The following SLC8A3 variants were observed in gnomAD, a reference collection of about 807,000 sequenced individuals.
SLC8A3 encodes the protein sodium/calcium exchanger 3.
Under a neutral mutation model 65.4 loss-of-function variants are expected in SLC8A3, and 37 were observed. The ratio of observed to expected loss-of-function variants is 0.57; its 90% CI spans 0.44 to 0.74. SLC8A3 has a LOEUF of 0.74. Ranked by LOEUF, SLC8A3 falls within the 30% of genes least tolerant of loss-of-function variation. SLC8A3 has a pLI of 0.00. For missense variants in SLC8A3, 1,112 were observed against 1,172.1 expected (o/e 0.95, Z 0.75); for synonymous variants, 461 against 444.5 (o/e 1.04, Z -0.47).
intron 2 of SLC8A3, among the ~76,000 whole-genome samples, chr14:70,070,696 C>T (rs59516074): frequency 8.4e-4 from 128 of 152,232 alleles, no homozygotes; most frequent in African/African-American, 3.0e-3. Flanking sequence ...AGAGTGATCA[C>T]CCCATTCCTG....
At chr14:70,101,539 C>A (rs1892553968) in intron 2 of SLC8A3, among the ~76,000 whole-genome samples, 1 of 152,082 alleles carries the variant, frequency 6.6e-6, no homozygotes, top group Non-Finnish European at 1.5e-5. Flanking sequence ...TGTTGTAGAT[C>A]ACAAAGTTAT....
chr14:70,055,937 G>A (rs2087968982), intron 3 of SLC8A3: 12 of 798,956 alleles, frequency 1.5e-5, no homozygotes, highest in Middle Eastern at 2.3e-4. Context: ...GAGCTTAGTA[G>A]GTGAGAGCTC....
chr14:70,138,500 C>T (rs891162335), intron 2 of SLC8A3, among the ~76,000 whole-genome samples: 28 of 152,222 alleles, frequency 1.8e-4, no homozygotes, highest in African/African-American at 6.5e-4. Flanking sequence ...ATGGCTCTGC[C>T]TACTGCACCA....
intron 2 of SLC8A3, among the ~76,000 whole-genome samples, chr14:70,128,216 A>G (rs1046683368): frequency 1.3e-5 from 2 of 152,162 alleles, no homozygotes; most frequent in Non-Finnish European, 2.9e-5. Flanking sequence ...AGTTATCATC[A>G]TAGCATGTCT....
chr14:70,080,968 G>A (rs1891005414), intron 2 of SLC8A3, among the ~76,000 whole-genome samples: 3 of 152,338 alleles, frequency 2.0e-5, no homozygotes, highest in Middle Eastern at 6.8e-3. Flanking sequence ...AAATGGCAGA[G>A]CAGAGAATTG....
chr14:70,117,880 G>A (rs985927525), intron 2 of SLC8A3, among the ~76,000 whole-genome samples: 7 of 152,116 alleles, frequency 4.6e-5, no homozygotes, highest in African/African-American at 7.2e-5. Flanking sequence ...ATTCAAACCC[G>A]ATAATCCTAA....
intron 2 of SLC8A3, among the ~76,000 whole-genome samples, chr14:70,095,705 A>G (rs373464422): frequency 3.7e-4 from 56 of 152,322 alleles, no homozygotes; most frequent in African/African-American, 1.3e-3. Context: ...TGATGCAACA[A>G]TGAAAAATCA....
At chr14:70,067,442 C>T (rs1188400367) in intron 2 of SLC8A3, among the ~76,000 whole-genome samples, 6 of 152,202 alleles carry the variant, frequency 3.9e-5, no homozygotes, top group African/African-American at 1.4e-4. Flanking sequence ...AACCAGACCC[C>T]ACCCTGCTTA....
chr14:70,147,606 T>C (rs1291869335), intron 2 of SLC8A3, among the ~76,000 whole-genome samples: 4 of 152,208 alleles, frequency 2.6e-5, no homozygotes, highest in Admixed American at 2.6e-4. Flanking sequence ...TGAGTGGACC[T>C]GACCTAATCA....
intron 2 of SLC8A3, among the ~76,000 whole-genome samples, chr14:70,127,469 A>G (rs891164431): frequency 3.3e-5 from 5 of 152,022 alleles, no homozygotes; most frequent in African/African-American, 1.2e-4. Context: ...CTCCATTCTA[A>G]TTGTTTTTCT....
rs1220735308 is a variant in SLC8A3 at position 70,167,979 on chromosome 14, T to C, written c.444A>G (p.Ile148Met). 6.2e-7 allele frequency: 1 copy of C among 1,613,466 alleles called. No individual in the cohort carries two copies. Among genetic ancestry groups the C allele is most frequent in the East Asian group, 2.2e-5 (1 of 44,836 alleles). ...CACACACCTCAATTAAAGAGAGGAG[T>C]ATCTCAGGAGCAGAGGAACCCAGGG... is the stretch of plus-strand genomic sequence containing the variant. Reference protein sequence around the residue: ...LMALGSSAPEILLSLIEVCGH... With the variant: ...LMALGSSAPEMLLSLIEVCGH... Residue 148 changes from isoleucine to methionine, a missense_variant, in exon 2 of 7, where the codon ATA (isoleucine) becomes ATG (methionine). By Grantham distance (10) the Ile-to-Met change is conservative. Coordinates refer to ENST00000356921, the MANE Select transcript of SLC8A3 (RefSeq NM_182932.3).
chr14:70,095,739 C>T (rs1892132902), intron 2 of SLC8A3, among the ~76,000 whole-genome samples: 1 of 152,108 alleles, frequency 6.6e-6, no homozygotes. Flanking sequence ...GGAAATGAGA[C>T]AGAGGTGCAG....
chr14:70,135,208 C>T (rs1895109740), intron 2 of SLC8A3, among the ~76,000 whole-genome samples: 1 of 152,100 alleles, frequency 6.6e-6, no homozygotes, highest in Admixed American at 6.5e-5. Flanking sequence ...TTACCCCAGT[C>T]AGAATGGCTA....
intron 3 of SLC8A3, among the ~76,000 whole-genome samples, chr14:70,052,353 AC>A: frequency 6.6e-6 from 1 of 152,296 alleles, no homozygotes; most frequent in African/African-American, 2.4e-5. Context: ...TGGGTGGACA[AC>A]CTGACCTAAA....
intron 2 of SLC8A3, among the ~76,000 whole-genome samples, chr14:70,106,188 A>G (rs985450073): frequency 2.6e-5 from 4 of 152,172 alleles, no homozygotes; most frequent in African/African-American, 9.7e-5. Context: ...AAGAATGTCC[A>G]TTCTTACCAC....
chr14:70,088,593 G>A (rs1212835086), intron 2 of SLC8A3, among the ~76,000 whole-genome samples: 1 of 152,040 alleles, frequency 6.6e-6, no homozygotes, highest in East Asian at 1.9e-4. Context: ...ATAAATCCTT[G>A]GCCCTCAGTT....
At chr14:70,112,879 CCT>C (rs1171759864) in intron 2 of SLC8A3, among the ~76,000 whole-genome samples, 1 of 152,142 alleles carries the variant, frequency 6.6e-6, no homozygotes, top group Non-Finnish European at 1.5e-5. Context: ...GGCCTTCTCC[CCT>C]GTCTGTGTTC....
chr14:70,072,954 C>T (rs1890146249), intron 2 of SLC8A3, among the ~76,000 whole-genome samples: 1 of 152,110 alleles, frequency 6.6e-6, no homozygotes, highest in Admixed American at 6.6e-5. Flanking sequence ...GGCCTGCCAC[C>T]TGATATTTTC....
At chr14:70,121,613 A>G (rs1009348774) in intron 2 of SLC8A3, among the ~76,000 whole-genome samples, 1 of 152,174 alleles carries the variant, frequency 6.6e-6, no homozygotes, top group African/African-American at 2.4e-5. Flanking sequence ...AAATAAGGGT[A>G]GGGGGTTTGG....
Sources: allele counts gnomAD v4.1 joint callset (sites outside exome capture counted in the v4.1 genomes callset), GRCh38; gene constraint gnomAD v4.1.1; transcripts MANE v1.5; gene names NCBI Gene and HGNC (gene_info 2026-07-23, HGNC 2026-07-21).